Variants in SF3B2 observed in about 807,000 individuals in gnomAD.
SF3B2 encodes the protein SAP 145.
SF3B2 carries 22 observed loss-of-function variants against 116.3 expected under a neutral mutation model. That is an observed-to-expected ratio of 0.19 (90% CI 0.14 to 0.27). The LOEUF is 0.27. SF3B2 is among the 10% of genes least tolerant of loss of function. The pLI is 1.00. For missense variants in SF3B2, 767 were observed against 1,151.4 expected (o/e 0.67, Z 4.83); for synonymous variants, 406 against 421.6 (o/e 0.96, Z 0.45).
At chr11:66,053,403 G>A in intron 3 of SF3B2, 1 of 424,658 alleles carries the variant, frequency 2.4e-6, no homozygotes, top group East Asian at 4.6e-5. Context: ...TTGTGGCCGG[G>A]TGCAGTGGCG....
chr11:66,060,874 A>G, intron 14 of SF3B2, 143 bp downstream of exon 14: 1 of 874,798 alleles, frequency 1.1e-6, no homozygotes, highest in Non-Finnish European at 1.7e-6. Flanking sequence ...ATCTCGGCTC[A>G]CTGTAACCTC....
In SF3B2 at chr11:66,061,774, C is replaced by T; in HGVS notation, c.1868C>T (p.Pro623Leu). The change falls in exon 15 of 22, where the codon CCA becomes CTA. Residue 623 changes from proline to leucine, a missense_variant and splice_region_variant. By Grantham distance (98) the Pro-to-Leu change is moderately conservative. Around this residue, in one of 4 missense-constraint regions of SF3B2, gnomAD observed 282 missense variants for 568.0 expected, o/e 0.50. Transcript: ENST00000322535. ...ATTTCCTTGGGGATGCCAGTAGGAC[C>T]AGTGAGTGTCAGTTAGCTGTCTGGG... The part of the protein sequence containing the change: ...LRISLGMPVG[P>L]NAHKVPPPWL... 6.2e-7 allele frequency: 1 copy of T among 1,613,034 alleles called. No homozygotes were observed. The highest frequency in any genetic ancestry group is 8.5e-7 in the Non-Finnish European group (1 of 1,178,970).
chr11:66,067,599 G>A (rs544502436), intron 19 of SF3B2: 2 of 470,406 alleles, frequency 4.3e-6, no homozygotes, highest in South Asian at 1.5e-5. Flanking sequence ...GGTGGGAACT[G>A]TTGTCGCCTG....
Position 66,059,744 on chromosome 11 carries a change from G to T in SF3B2, c.1402-38G>T. 1 of 1,609,426 alleles carries T rather than the reference G, an allele frequency of 6.2e-7. No individual in the cohort carries two copies. Among genetic ancestry groups the T allele is most frequent in the Non-Finnish European group, 8.5e-7 (1 of 1,175,882 alleles). Reference sequence around the variant, plus strand: ...AGAAGAGCTTCAGAACTGAGAAGTCGGGGCTCTCGAGAACACGCATTACTA... The same window carrying T: ...AGAAGAGCTTCAGAACTGAGAAGTCTGGGCTCTCGAGAACACGCATTACTA... On this transcript the variant is annotated intron_variant, in intron 12 of 21. Transcript: ENST00000322535. This position sits in a 1 kb window ranked among gnomAD's most constrained non-coding sequence, Gnocchi z 5.0.
In SF3B2 at chr11:66,056,930, T is replaced by G. The variant is rs1449442411; in HGVS notation, c.642T>G (p.Gly214=). ...PRPPQDMGQI[G]VRTPLGPRVA... ...CCCCACAAGACATGGGCCAGATTGGTGTGCGCACTCCTCTGGGTCCTCGAG... is the reference window on the plus strand; with the variant it reads ...CCCCACAAGACATGGGCCAGATTGGGGTGCGCACTCCTCTGGGTCCTCGAG... Residue 214 remains glycine (G), a synonymous_variant, in exon 6 of 22, where the codon GGT becomes GGG. Coordinates refer to ENST00000322535, the MANE Select transcript of SF3B2 (RefSeq NM_006842.3). The G allele has an allele frequency of 6.2e-7, 1 of 1,613,930 alleles. No individual in the cohort carries two copies. The highest frequency in any genetic ancestry group is 8.5e-7 in the Non-Finnish European group (1 of 1,179,890).
intron 21 of SF3B2, 54 bp from the exon 22 acceptor site, chr11:66,068,620 G>A (rs1857233827): frequency 6.0e-6 from 9 of 1,505,542 alleles, no homozygotes; most frequent in Admixed American, 1.8e-5. Flanking sequence ...CTTGTTTTGG[G>A]GGTCCGGGGG....
chr11:66,067,859 T>G (rs1857214995), intron 19 of SF3B2, 87 bp from the exon 20 acceptor site: 2 of 1,019,078 alleles, frequency 2.0e-6, no homozygotes, highest in South Asian at 2.8e-5. Context: ...AGGCGCTGAG[T>G]GGAGGTGCCA....
chr11:66,053,453 A>G (rs945210463), intron 3 of SF3B2: 2 of 282,258 alleles, frequency 7.1e-6, no homozygotes, highest in African/African-American at 2.2e-5. Flanking sequence ...CTTAGATGGG[A>G]CGATCGCTTG....
intron 19 of SF3B2, chr11:66,065,771 T>C (rs1251447751): frequency 1.3e-5 from 2 of 152,216 alleles, no homozygotes; most frequent in East Asian, 1.9e-4. Context: ...TACAATATAA[T>C]TCTCCTTTCT....
rs541626365 is a variant in SF3B2 at position 66,052,722 on chromosome 11, A to AG, written c.180+5dup. 127 of 1,566,712 alleles carry AG rather than the reference A, an allele frequency of 8.1e-5. No individual in the cohort carries two copies. The African/African-American group carries it at 1.4e-3, about 17-fold the overall frequency. On this transcript the variant is annotated splice_donor_region_variant and intron_variant, in intron 2 of 21. Transcript: ENST00000322535. Reference sequence around the variant, plus strand: ...GGCTGCAGAGCTACACCCGCCAGGTAGGTGTTGGCGGCGGGACGTCAGGAT... The same window carrying AG: ...GGCTGCAGAGCTACACCCGCCAGGTAGGGTGTTGGCGGCGGGACGTCAGGAT...
intron 7 of SF3B2, 27 bp from the exon 8 acceptor site, chr11:66,058,027 C>T: frequency 2.0e-6 from 3 of 1,524,888 alleles, no homozygotes; most frequent in Middle Eastern, 1.8e-4. Context: ...CTGTGATTTG[C>T]CTTCTCTGAC....
At chr11:66,066,620 C>G (rs1165316874) in intron 19 of SF3B2, 1 of 152,212 alleles carries the variant, frequency 6.6e-6, no homozygotes, top group African/African-American at 2.4e-5. Context: ...TGAAGCAGTC[C>G]TCCCCATTGT....
intron 6 of SF3B2, 50 bp from the exon 7 acceptor site, chr11:66,057,216 G>C: frequency 1.7e-6 from 2 of 1,174,676 alleles, no homozygotes; most frequent in Non-Finnish European, 1.3e-6. Context: ...AATTTTTTAC[G>C]TGAGTGTTTT....
In SF3B2 at chr11:66,055,058, A is replaced by G. The variant is rs780404166; in HGVS notation, c.259-18A>G. ...TAGATAAATGCTTCCTAGTTTTATG[A>G]TCATATTTTCTCCACAGCTCCCTGG... On this transcript the variant is annotated intron_variant, in intron 3 of 21. Transcript: ENST00000322535. The G allele has an allele frequency of 9.2e-5, 138 of 1,499,802 alleles. No homozygotes were observed. The highest frequency in any genetic ancestry group is 1.2e-4 in the Non-Finnish European group (134 of 1,123,660). The allele number at this position is 1,499,802 out of a possible 1,614,324, so 92.9% of individuals were successfully genotyped here.
chr11:66,060,719 C>A lies in SF3B2; in HGVS notation c.1767C>A (p.Asp589Glu). The A allele has an allele frequency of 6.2e-7, 1 of 1,614,168 alleles. No homozygotes were observed. The highest frequency in any genetic ancestry group is 8.5e-7 in the Non-Finnish European group (1 of 1,180,030). Reference sequence around the variant, plus strand: ...AGCCAAAGCTGACCATCCATGGGGACCTGTACTATGAGGTTCGGGAGGGGG... The same window carrying A: ...AGCCAAAGCTGACCATCCATGGGGAACTGTACTATGAGGTTCGGGAGGGGG... Reference protein sequence around the residue: ...QTKPKLTIHGDLYYEGKEFET... With the variant: ...QTKPKLTIHGELYYEGKEFET... Residue 589 changes from aspartate to glutamate, a missense_variant, in exon 14 of 22, where the codon GAC becomes GAA. This residue lies in a region of SF3B2 where 282 missense variants were observed against 568.0 expected (regional missense o/e 0.50). Transcript: ENST00000322535.
intron 9 of SF3B2, 89 bp from the exon 10 acceptor site, chr11:66,058,741 T>G: frequency 3.6e-6 from 4 of 1,098,736 alleles, no homozygotes; most frequent in Non-Finnish European, 5.3e-6. Context: ...TGTTGAACTG[T>G]GGGGGAGAAT....
rs556097612 is a variant in SF3B2 at position 66,068,168 on chromosome 11, G to A, written c.2451G>A (p.Pro817=). 21 of 1,614,228 alleles carry A rather than the reference G, an allele frequency of 1.3e-5. No homozygotes were observed. Among genetic ancestry groups the A allele is most frequent in the African/African-American group, 2.7e-5 (2 of 75,064 alleles). ...TCCAGGTTATGAGCCGGAAGGGCCCGGCTCCTGAGCTGCAAGGTGTGGAAG... is the reference window on the plus strand; with the variant it reads ...TCCAGGTTATGAGCCGGAAGGGCCCAGCTCCTGAGCTGCAAGGTGTGGAAG... ...DMSTVMSRKG[P]APELQGVEVA... is the part of the protein sequence containing the mutation. The change falls in exon 21 of 22, where the codon CCG becomes CCA. Residue 817 remains proline, a synonymous_variant. Transcript: ENST00000322535.
Position 66,063,443 on chromosome 11 carries a change from A to T in SF3B2, c.2129A>T (p.Glu710Val). Reference protein sequence around the residue: ...EEEIDRTPWGELEPSDEESSE... With the variant: ...EEEIDRTPWGVLEPSDEESSE... ...GAGATTGATCGGACCCCTTGGGGGG[A>T]ACTGGAACCATCTGATGAAGAATCC... The change falls in exon 18 of 22, where the codon GAA (glutamate) becomes GTA (valine). Residue 710 changes from glutamate (E) to valine (V), a missense_variant. Transcript: ENST00000322535. The T allele has an allele frequency of 6.2e-7, 1 of 1,614,062 alleles. No homozygotes were observed. Among genetic ancestry groups the T allele is most frequent in the Non-Finnish European group, 8.5e-7 (1 of 1,179,960 alleles).
At chr11:66,065,942 G>A (rs1481429943) in intron 19 of SF3B2, 2 of 152,092 alleles carry the variant, frequency 1.3e-5, no homozygotes, top group Non-Finnish European at 2.9e-5. Flanking sequence ...GCGTGATCTC[G>A]GCTTACTGCA....
Sources: gnomAD v4.1 joint callset for allele counts on GRCh38, gnomAD v4.1.1 for gene constraint, gnomAD v4.1.1 regional missense constraint, Gnocchi (gnomAD v3.1) non-coding constraint, MANE v1.5 for transcripts, NCBI Gene and HGNC (gene_info 2026-07-23, HGNC 2026-07-21) for gene names.